The following PARD3 variants were observed in gnomAD, a reference collection of about 807,000 sequenced individuals.
PARD3 encodes par-3 family cell polarity regulator.
A neutral mutation model predicts 155.4 loss-of-function variants in PARD3; 75 were observed. The observed-to-expected ratio is 0.48, with a 90% CI of 0.40 to 0.58. PARD3 has a LOEUF of 0.58. Ranked by LOEUF, PARD3 falls within the 20% of genes least tolerant of loss-of-function variation. The probability of loss-of-function intolerance (pLI) is 0.00; values close to 1 mark genes in which losing one functional copy is unlikely to be tolerated. For synonymous variants in PARD3, 576 were observed against 610.5 expected (o/e 0.94, Z 0.83); for missense variants, 1,642 against 1,721.7 (o/e 0.95, Z 0.82).
At chr10:34,228,412 A>G (rs913657536) in intron 22 of PARD3, among the ~76,000 whole-genome samples, 2 of 152,128 alleles carry the variant, frequency 1.3e-5, no homozygotes, top group African/African-American at 4.8e-5. Context: ...AAAAGCTGGA[A>G]GAAAAATAAA....
intron 7 of PARD3, among the ~76,000 whole-genome samples, chr10:34,389,775 T>A (rs977347982): frequency 6.6e-6 from 1 of 152,120 alleles, no homozygotes; most frequent in Non-Finnish European, 1.5e-5. Flanking sequence ...ACTGAAAGCA[T>A]GGACACCAAA....
At chr10:34,640,603 A>G (rs982184135) in intron 2 of PARD3, among the ~76,000 whole-genome samples, 1 of 145,772 alleles carries the variant, frequency 6.9e-6, no homozygotes, top group Non-Finnish European at 1.5e-5. Context: ...CCAGCTACTC[A>G]GGGGGCTGAA....
rs185746493 is a variant in PARD3 at position 34,278,662 on chromosome 10, C to T, written c.3176+5473G>A. ...TTTTCTCCCGCCACGTGAAGAAGGA[C>T]GTGTTTGCTTCCCATTCTGCCATGA... On this transcript the variant is annotated intron_variant, in intron 21 of 24. Transcript: ENST00000374788. Among the ~76,000 whole-genome samples, 321 of 152,242 alleles carry T rather than the reference C, an allele frequency of 2.1e-3. 5 individuals carry two copies. The highest frequency in any genetic ancestry group is 7.3e-3 in the African/African-American group (302 of 41,554).
In PARD3 at chr10:34,655,409, C is replaced by T. The variant is rs12572979; in HGVS notation, c.222+40909G>A. Reference sequence around the variant, plus strand: ...ATAAGCACTGCCCTAGCCTGTGTTACTCCTGATCATACATGACTGTGGGTG... The same window carrying T: ...ATAAGCACTGCCCTAGCCTGTGTTATTCCTGATCATACATGACTGTGGGTG... On this transcript the variant is annotated intron_variant, in intron 2 of 24. Coordinates refer to ENST00000374788, the MANE Select transcript of PARD3 (RefSeq NM_001184785.2). Among the ~76,000 whole-genome samples the T allele has an allele frequency of 2.1e-4, 32 of 152,210 alleles. No homozygotes were observed. The East Asian group carries it at 5.6e-3, about 27-fold the overall frequency.
chr10:34,129,495 G>A (rs1197921040), intron 23 of PARD3, among the ~76,000 whole-genome samples: 1 of 152,098 alleles, frequency 6.6e-6, no homozygotes, highest in African/African-American at 2.4e-5. Flanking sequence ...TAAGAAAACT[G>A]AGGCCGGAAG....
chr10:34,178,035 T>A (rs1256491345), intron 22 of PARD3, among the ~76,000 whole-genome samples: 1 of 152,234 alleles, frequency 6.6e-6, no homozygotes, highest in Non-Finnish European at 1.5e-5. Context: ...CATAAGGATT[T>A]TCTACTGAAC....
chr10:34,279,310 C>G (rs1175806155), intron 21 of PARD3, among the ~76,000 whole-genome samples: 1 of 151,788 alleles, frequency 6.6e-6, no homozygotes, highest in Non-Finnish European at 1.5e-5. Flanking sequence ...TGTGAGCCAA[C>G]ACACCCAATC....
intron 21 of PARD3, among the ~76,000 whole-genome samples, chr10:34,275,052 T>C (rs949441200): frequency 6.6e-6 from 1 of 152,186 alleles, no homozygotes; most frequent in Non-Finnish European, 1.5e-5. Flanking sequence ...CATGAAGTAC[T>C]ATTTATAAAG....
chr10:34,359,124 T>C lies in PARD3; in HGVS notation c.2067+23A>G, dbSNP rs1342291892. ...GTAGTTTATTTACAATTTTAGATAC[T>C]AGCACTTTTTTGCATTTCTTACCTC... is the stretch of plus-strand genomic sequence containing the variant. On this transcript the variant is annotated intron_variant, in intron 14 of 24. Transcript: ENST00000374788. 3.1e-6 allele frequency: 5 copies of C among 1,593,444 alleles called. No homozygotes were observed. The African/African-American group carries it at 6.7e-5, about 21-fold the overall frequency.
At chr10:34,644,397 C>T (rs941360670) in intron 2 of PARD3, among the ~76,000 whole-genome samples, 1 of 152,250 alleles carries the variant, frequency 6.6e-6, no homozygotes, top group African/African-American at 2.4e-5. Flanking sequence ...CACGCTCCGA[C>T]AGTTCTCTGA....
intron 3 of PARD3, among the ~76,000 whole-genome samples, chr10:34,494,920 A>T (rs1589774288): frequency 6.6e-6 from 1 of 152,136 alleles, no homozygotes; most frequent in East Asian, 1.9e-4. Flanking sequence ...AGGTCTGCAA[A>T]GCTGGAGCCA....
intron 2 of PARD3, among the ~76,000 whole-genome samples, chr10:34,528,189 T>A (rs967663797): frequency 1.3e-5 from 2 of 152,194 alleles, no homozygotes; most frequent in Non-Finnish European, 2.9e-5. Context: ...AATACTGAAA[T>A]TTAATGCCAA....
Position 34,315,055 on chromosome 10 carries a change from A to C in PARD3, c.3065+2052T>G, listed in dbSNP as rs968382770. ...GCCTAATTTTTAGGGGGAAAAAAAA[A>C]CCTTCAGCCCCTGCACCTGCATATA... On this transcript the variant is annotated intron_variant, in intron 20 of 24. Coordinates refer to ENST00000374788, the MANE Select transcript of PARD3 (RefSeq NM_001184785.2). Among the ~76,000 whole-genome samples the C allele has an allele frequency of 3.2e-4, 48 of 152,244 alleles. 1 individual carries two copies. Among genetic ancestry groups the C allele is most frequent in the African/African-American group, 9.6e-4 (40 of 41,550 alleles).
intron 1 of PARD3, among the ~76,000 whole-genome samples, chr10:34,725,088 T>C (rs188528737): frequency 1.8e-3 from 264 of 149,930 alleles, no homozygotes; most frequent in Non-Finnish European, 3.1e-3. Flanking sequence ...GTTAAAAGGA[T>C]TGAATGAGTC....
intron 1 of PARD3, among the ~76,000 whole-genome samples, chr10:34,788,214 A>C (rs1841222851): frequency 6.6e-6 from 1 of 152,144 alleles, no homozygotes; most frequent in African/African-American, 2.4e-5. Flanking sequence ...ATTCTCAGGA[A>C]AGAAAAAAAT....
intron 1 of PARD3, among the ~76,000 whole-genome samples, chr10:34,795,430 G>A (rs1024888248): frequency 1.3e-5 from 2 of 151,756 alleles, no homozygotes; most frequent in African/African-American, 2.4e-5. Context: ...GGGCAACATA[G>A]TATGACCCTA....
intron 19 of PARD3, among the ~76,000 whole-genome samples, chr10:34,321,559 T>C (rs1958378454): frequency 6.6e-6 from 1 of 152,212 alleles, no homozygotes; most frequent in African/African-American, 2.4e-5. Flanking sequence ...TATGTTTCCA[T>C]GTGATTACCT....
At chr10:34,491,581 C>T (rs1589763486) in intron 3 of PARD3, among the ~76,000 whole-genome samples, 1 of 152,140 alleles carries the variant, frequency 6.6e-6, no homozygotes. Context: ...TATTAAAGTG[C>T]TATATTTAGA....
intron 2 of PARD3, among the ~76,000 whole-genome samples, chr10:34,682,718 C>G (rs563818914): frequency 3.3e-5 from 5 of 151,946 alleles, no homozygotes; most frequent in Non-Finnish European, 5.9e-5. Flanking sequence ...CAAGACCCAT[C>G]TTAAATAAGC....
Sources: gnomAD v4.1 joint callset for allele counts (sites outside exome capture counted in the v4.1 genomes callset) on GRCh38, gnomAD v4.1.1 for gene constraint, MANE v1.5 for transcripts, NCBI Gene and HGNC (gene_info 2026-07-23, HGNC 2026-07-21) for gene names.